Variants in SV2C observed in about 807,000 individuals in gnomAD.
The protein encoded by SV2C is synaptic vesicle glycoprotein 2C.
A neutral mutation model predicts 79.7 loss-of-function variants in SV2C; 49 were observed. That is an observed-to-expected ratio of 0.61 (90% confidence interval 0.49 to 0.78). The LOEUF is 0.78. Ranked by LOEUF, SV2C falls within the 30% of genes least tolerant of loss-of-function variation. The pLI is 0.00. For missense variants in SV2C, 833 were observed against 912.9 expected (o/e 0.91, Z 1.13); for synonymous variants, 334 against 333.2 (o/e 1.00, Z -0.03).
chr5:75,977,794 C>T, the SV2C span, among the ~76,000 whole-genome samples: 1 of 152,200 alleles, frequency 6.6e-6, no homozygotes, highest in Non-Finnish European at 1.5e-5. Context: ...CCTTTGTGCA[C>T]TGGCTCATAT....
chr5:76,209,966 T>C, intron 4 of SV2C, 79 bp downstream of exon 4: 1 of 1,473,076 alleles, frequency 6.8e-7, no homozygotes, highest in Non-Finnish European at 9.1e-7. Context: ...TCCTCTCTTC[T>C]AAGGGCCACT....
At chr5:76,145,051 G>A (rs1394027226) in intron 2 of SV2C, among the ~76,000 whole-genome samples, 1 of 152,196 alleles carries the variant, frequency 6.6e-6, no homozygotes, top group African/African-American at 2.4e-5. Flanking sequence ...GGGATTTTGT[G>A]GGGAAGATTA....
At chr5:75,865,651 T>G in the SV2C span, among the ~76,000 whole-genome samples, 2 of 152,208 alleles carry the variant, frequency 1.3e-5, no homozygotes, top group Non-Finnish European at 2.9e-5. Context: ...TGCCAACTGT[T>G]CAGGAGCCTA....
chr5:75,899,556 G>C, the SV2C span, among the ~76,000 whole-genome samples: 1 of 152,072 alleles, frequency 6.6e-6, no homozygotes, highest in South Asian at 2.1e-4. Flanking sequence ...ATTTGGGGTG[G>C]AGAGTTCTGT....
the SV2C span, among the ~76,000 whole-genome samples, chr5:76,076,798 C>T: frequency 6.6e-6 from 1 of 152,158 alleles, no homozygotes; most frequent in African/African-American, 2.4e-5. Context: ...TTCAGCAGTC[C>T]CCTATATTGG....
At chr5:76,024,651 T>C in the SV2C span, among the ~76,000 whole-genome samples, 21 of 152,172 alleles carry the variant, frequency 1.4e-4, no homozygotes, top group African/African-American at 4.8e-4. Context: ...GGGTCAATCA[T>C]GTGAGGAAAC....
the SV2C span, among the ~76,000 whole-genome samples, chr5:75,947,046 G>A: frequency 1.3e-5 from 2 of 152,066 alleles, no homozygotes; most frequent in South Asian, 2.1e-4. Flanking sequence ...CTGAAAGTAG[G>A]GAGAGGTGGT....
chr5:76,083,359 G>C (rs1275472640), upstream of SV2C: 1 of 152,420 alleles, frequency 6.6e-6, no homozygotes, highest in Non-Finnish European at 1.5e-5. Flanking sequence ...CCCTCCTCTC[G>C]CCGCTGACAC....
At chr5:76,149,759 T>C (rs931664491) in intron 2 of SV2C, among the ~76,000 whole-genome samples, 1 of 152,212 alleles carries the variant, frequency 6.6e-6, no homozygotes, top group African/African-American at 2.4e-5. Context: ...TTTATGCTGG[T>C]CTTTCTTTCT....
At chr5:76,301,048 A>G in intron 11 of SV2C, 116 bp downstream of exon 11, 1 of 1,173,100 alleles carries the variant, frequency 8.5e-7, no homozygotes, top group South Asian at 1.5e-5. Flanking sequence ...GAAATCCTTT[A>G]GACCTTACGT....
At chr5:75,931,190 A>G in the SV2C span, among the ~76,000 whole-genome samples, 1 of 152,196 alleles carries the variant, frequency 6.6e-6, no homozygotes, top group African/African-American at 2.4e-5. Flanking sequence ...ATGAGATAGA[A>G]TCCTAGTTTT....
chr5:76,195,568 G>A, intron 3 of SV2C, among the ~76,000 whole-genome samples: 1 of 152,162 alleles, frequency 6.6e-6, no homozygotes, highest in Admixed American at 6.5e-5. Context: ...GCCTCCTTGA[G>A]ACGTAATTTT....
chr5:76,304,279 C>G (rs1164127032), intron 12 of SV2C, among the ~76,000 whole-genome samples: 1 of 152,150 alleles, frequency 6.6e-6, no homozygotes, highest in Non-Finnish European at 1.5e-5. Flanking sequence ...GTGACCATGG[C>G]CATGGTAAAT....
chr5:75,893,343 G>A, the SV2C span, among the ~76,000 whole-genome samples: 1 of 151,876 alleles, frequency 6.6e-6, no homozygotes, highest in African/African-American at 2.4e-5. Context: ...CCATCATGAG[G>A]TCTGTAAAGT....
intron 2 of SV2C, among the ~76,000 whole-genome samples, chr5:76,132,841 T>G (rs1200278718): frequency 6.6e-6 from 1 of 152,188 alleles, no homozygotes; most frequent in East Asian, 1.9e-4. Context: ...ATTATCTATG[T>G]GTATGTTTGC....
rs373236256 is a variant in SV2C, at chr5:76,300,752, G to A, written c.1660G>A (p.Asp554Asn). Residue 554 changes from aspartate (D) to asparagine (N), a missense_variant, in exon 11 of 13, where the codon GAC (aspartate) becomes AAC (asparagine). Coordinates refer to ENST00000502798, the MANE Select transcript of SV2C (RefSeq NM_014979.4). ...AGATTTTGAGCCATATAAATTCATTGACAGTGAATTTAAAAACTGCTCGTT... is the reference window on the plus strand; with the variant it reads ...AGATTTTGAGCCATATAAATTCATTAACAGTGAATTTAAAAACTGCTCGTT... ...NTDFEPYKFI[D>N]SEFKNCSFFH... The A allele has an allele frequency of 9.5e-5, 154 of 1,614,024 alleles. 1 individual carries two copies. The Middle Eastern group carries it at 2.8e-3, about 29-fold the overall frequency.
intron 1 of SV2C, among the ~76,000 whole-genome samples, chr5:76,118,164 C>A (rs369194416): frequency 6.6e-6 from 1 of 152,174 alleles, no homozygotes; most frequent in Admixed American, 6.6e-5. Flanking sequence ...TAAGGAGACT[C>A]CCTCCTTGCT....
chr5:75,962,192 C>A, the SV2C span, among the ~76,000 whole-genome samples: 1 of 152,138 alleles, frequency 6.6e-6, no homozygotes, highest in Non-Finnish European at 1.5e-5. Flanking sequence ...CAATGCTAAG[C>A]ATCAGAGCTT....
At chr5:76,117,404 T>G (rs1205059662) in intron 1 of SV2C, among the ~76,000 whole-genome samples, 1 of 152,216 alleles carries the variant, frequency 6.6e-6, no homozygotes, top group African/African-American at 2.4e-5. Context: ...ATGACTCACT[T>G]CTGCAATTAA....
Sources: gnomAD v4.1 joint callset for allele counts (sites outside exome capture counted in the v4.1 genomes callset) on GRCh38, gnomAD v4.1.1 for gene constraint, MANE v1.5 for transcripts, NCBI Gene and HGNC (gene_info 2026-07-23, HGNC 2026-07-21) for gene names.